PCLO: variants seen among roughly 807,000 people sequenced by gnomAD.
The protein encoded by PCLO is protein piccolo.
A neutral mutation model predicts 427.5 loss-of-function variants in PCLO; 82 were observed. The ratio of observed to expected loss-of-function variants is 0.19; its 90% CI spans 0.16 to 0.23. PCLO has a LOEUF of 0.23. Among genes scored for constraint, PCLO ranks in the 10% least tolerant of loss-of-function variants. The pLI is 1.00. For missense variants in PCLO, 6,239 were observed against 6,115.9 expected, an observed-to-expected ratio of 1.02 and a Z score of -0.67; for synonymous variants, 2,357 against 2,155.4, an observed-to-expected ratio of 1.09 and a Z score of -2.59.
intron 3 of PCLO, among the ~76,000 whole-genome samples, chr7:82,976,715 C>T (rs1309126119): frequency 6.6e-6 from 1 of 151,438 alleles, no homozygotes; most frequent in Non-Finnish European, 1.5e-5. Flanking sequence ...GGTTTAGTTT[C>T]TAAAAAAAAA....
intron 22 of PCLO, among the ~76,000 whole-genome samples, chr7:82,762,456 TC>T: frequency 6.6e-6 from 1 of 152,132 alleles, no homozygotes; most frequent in Admixed American, 6.6e-5. Context: ...CCATTAAAGG[TC>T]TTTAAACATG....
chr7:82,793,561 T>TAGAA (rs1791152545), intron 22 of PCLO, among the ~76,000 whole-genome samples: 1 of 152,208 alleles, frequency 6.6e-6, no homozygotes, highest in Admixed American at 6.5e-5. Context: ...CTCTAGTTTC[T>TAGAA]GTGGAGGGCC....
intron 3 of PCLO, among the ~76,000 whole-genome samples, chr7:83,013,796 G>C (rs1014775483): frequency 1.3e-5 from 2 of 152,138 alleles, no homozygotes; most frequent in African/African-American, 4.8e-5. Flanking sequence ...AAAATTGCAA[G>C]TCACTTAGTG....
chr7:82,915,168 G>A lies in PCLO; in HGVS notation c.12818C>T (p.Ser4273Leu). 1.2e-6 allele frequency: 2 copies of A among 1,600,260 alleles called. No individual in the cohort carries two copies. Among genetic ancestry groups the A allele is most frequent in the African/African-American group, 1.3e-5 (1 of 74,816 alleles). The change falls in exon 7 of 25, where the codon TCA (serine) becomes TTA (leucine). Residue 4273 changes from serine to leucine, a missense_variant. Ser to Leu is a moderately radical substitution (Grantham distance 145, BLOSUM62 -2). Around this residue, in one of 5 missense-constraint regions of PCLO, gnomAD observed 680 missense variants for 677.3 expected, o/e 1.00. Coordinates refer to ENST00000333891, the MANE Select transcript of PCLO (RefSeq NM_033026.6). The stretch of plus-strand genomic sequence containing the variant: ...CTTATCCGCTTCATCCTGCAGAGCT[G>A]AGCGTATGGTATTTCCTAATGTGCC... ...GLGTLGNTIR[S>L]ALQDEADKPY...
Position 82,795,124 on chromosome 7 carries a change from A to G in PCLO, c.15007+6394T>C, listed in dbSNP as rs139821265. ...AATCTCCTTAATTAACCTGAAAATT[A>G]TTTGGTATATGGTAATGACTAGAAG... On this transcript the variant is annotated intron_variant, in intron 22 of 24. Coordinates refer to ENST00000333891, the MANE Select transcript of PCLO (RefSeq NM_033026.6). Among the ~76,000 whole-genome samples, 1,443 of 152,216 alleles carry G rather than the reference A, an allele frequency of 9.5e-3. 6 individuals carry two copies. The highest frequency in any genetic ancestry group is 0.017 in the Admixed American group (260 of 15,300).
At chr7:83,005,383 G>C (rs967642908) in intron 3 of PCLO, among the ~76,000 whole-genome samples, 1 of 151,634 alleles carries the variant, frequency 6.6e-6, no homozygotes. Flanking sequence ...CACAGAAACA[G>C]AGAGCAGAGT....
intron 3 of PCLO, among the ~76,000 whole-genome samples, chr7:83,029,675 G>A (rs1448199617): frequency 1.2e-4 from 15 of 124,526 alleles, no homozygotes; most frequent in South Asian, 9.1e-4. Context: ...TGTTTACTGC[G>A]GCATTATTCA....
intron 3 of PCLO, among the ~76,000 whole-genome samples, chr7:83,108,713 T>C (rs1790928941): frequency 6.6e-6 from 1 of 152,016 alleles, no homozygotes; most frequent in African/African-American, 2.4e-5. Context: ...CCTCCTCATT[T>C]TTTTACCTGG....
chr7:82,918,778 G>A (rs1794528193), intron 6 of PCLO, among the ~76,000 whole-genome samples: 1 of 151,984 alleles, frequency 6.6e-6, no homozygotes, highest in African/African-American at 2.4e-5. Flanking sequence ...TTTGACAAAA[G>A]GGTGTTTAAT....
At chr7:83,098,596 C>T (rs73170067) in intron 3 of PCLO, among the ~76,000 whole-genome samples, 8,242 of 152,016 alleles carry the variant, frequency 0.054, 351 homozygotes, top group African/African-American at 0.1. Context: ...ACACCAGTTA[C>T]ATTAAATAGT....
At chr7:83,149,384 A>C (rs1425503131) in intron 2 of PCLO, among the ~76,000 whole-genome samples, 1 of 152,048 alleles carries the variant, frequency 6.6e-6, no homozygotes, top group East Asian at 1.9e-4. Flanking sequence ...TCTTCAACAT[A>C]CCAACTTATG....
intron 22 of PCLO, among the ~76,000 whole-genome samples, chr7:82,769,300 T>C (rs568858478): frequency 9.9e-5 from 15 of 152,178 alleles, no homozygotes; most frequent in Non-Finnish European, 2.1e-4. Flanking sequence ...TTCCAGAAGT[T>C]ATTGTCTACA....
intron 10 of PCLO, among the ~76,000 whole-genome samples, chr7:82,848,683 T>C (rs886482608): frequency 8.5e-5 from 13 of 152,138 alleles, no homozygotes; most frequent in African/African-American, 3.1e-4. Context: ...TTGGCTCCAA[T>C]GGGAAATTCT....
chr7:83,107,946 G>A (rs1260226333), intron 3 of PCLO, among the ~76,000 whole-genome samples: 5 of 140,432 alleles, frequency 3.6e-5, no homozygotes, highest in Middle Eastern at 3.9e-3. Context: ...CCAAGATCGT[G>A]CCACTGCACT....
intron 3 of PCLO, among the ~76,000 whole-genome samples, chr7:83,080,952 T>C (rs891574306): frequency 6.6e-6 from 1 of 151,696 alleles, no homozygotes; most frequent in Non-Finnish European, 1.5e-5. Flanking sequence ...ATTATAATAA[T>C]ATACTGTAAT....
intron 22 of PCLO, among the ~76,000 whole-genome samples, chr7:82,799,817 G>A (rs1791304997): frequency 1.3e-5 from 2 of 152,118 alleles, no homozygotes; most frequent in African/African-American, 4.8e-5. Flanking sequence ...GGCTCTCGCT[G>A]TCCTCTAGCT....
chr7:83,074,723 AAAAC>A (rs1258977325), intron 3 of PCLO, among the ~76,000 whole-genome samples: 8 of 152,180 alleles, frequency 5.3e-5, no homozygotes, highest in African/African-American at 7.2e-5. Flanking sequence ...TGATACTTCA[AAAAC>A]AAACAAACAT....
intron 3 of PCLO, among the ~76,000 whole-genome samples, chr7:82,982,305 A>T (rs796993322): frequency 3.3e-4 from 51 of 152,248 alleles, no homozygotes; most frequent in African/African-American, 1.2e-3. Flanking sequence ...GATCCAACTC[A>T]TATAGAGTGG....
chr7:82,808,606 T>G (rs1015289991), intron 20 of PCLO, among the ~76,000 whole-genome samples: 16 of 151,936 alleles, frequency 1.1e-4, no homozygotes, highest in African/African-American at 3.9e-4. Flanking sequence ...AATAACATTT[T>G]ATAAGAAATA....
Sources: gnomAD v4.1 joint callset for allele counts (sites outside exome capture counted in the v4.1 genomes callset) on GRCh38, gnomAD v4.1.1 for gene constraint, gnomAD v4.1.1 regional missense constraint, MANE v1.5 for transcripts, NCBI Gene and HGNC (gene_info 2026-07-23, HGNC 2026-07-21) for gene names.